DOCK10: variants seen among roughly 807,000 people sequenced by gnomAD.
DOCK10 encodes dedicator of cytokinesis 10, also known as dedicator of cytokinesis protein 10.
DOCK10 carries 145 observed loss-of-function variants against 280.1 expected under a neutral mutation model. The observed-to-expected ratio is 0.52, with a 90% confidence interval of 0.45 to 0.59. The LOEUF (loss-of-function observed/expected upper bound fraction) is 0.59, where lower values mean the gene tolerates loss of function less well. DOCK10 is among the 20% of genes least tolerant of loss of function. DOCK10 has a pLI of 0.00. For synonymous variants in DOCK10, 915 were observed against 942.2 expected, an observed-to-expected ratio of 0.97 and a Z score of 0.53; for missense variants, 2,368 against 2,651.7, an observed-to-expected ratio of 0.89 and a Z score of 2.35.
intron 1 of DOCK10, among the ~76,000 whole-genome samples, chr2:224,932,384 A>G (rs1702437905): frequency 1.3e-5 from 2 of 152,196 alleles, no homozygotes; most frequent in Admixed American, 1.3e-4. Context: ...AATAAAATAG[A>G]GGGAGAAATG....
At chr2:224,784,672 T>C in intron 50 of DOCK10, 1 of 1,270,582 alleles carries the variant, frequency 7.9e-7, no homozygotes, top group Non-Finnish European at 1.0e-6. Context: ...AGTAAAACCA[T>C]ACAGAGGGAA....
chr2:224,928,598 T>A (rs137864588), intron 2 of DOCK10, among the ~76,000 whole-genome samples: 111 of 152,362 alleles, frequency 7.3e-4, no homozygotes, highest in African/African-American at 2.4e-3. Context: ...TCTCCACTAT[T>A]ATTCAAAAAT....
At position 224,773,299 on chromosome 2, in the gene DOCK10, TG is replaced by T; in HGVS notation, c.6061del (p.Gln2021AsnfsTer6). ...YVKKRIQVISQSSTELNPIEV... is the reference protein window; with the variant it reads ...YVKKRIQVISXSSTELNPIEV... ...AATTGGATTCAGTTCTGTGCTCGAT[TG>T]GCTAATTACTTGTATTCTCTTCTTC... On this transcript the variant is annotated frameshift_variant, in exon 53 of 56. Coordinates refer to ENST00000258390, the MANE Select transcript of DOCK10 (RefSeq NM_014689.3). LOFTEE classifies it high-confidence loss of function. 1 of 1,613,814 alleles carries T rather than the reference TG, an allele frequency of 6.2e-7. No individual in the cohort carries two copies. Among genetic ancestry groups the T allele is most frequent in the Non-Finnish European group, 8.5e-7 (1 of 1,179,844 alleles).
chr2:225,019,389 G>A (rs1413139113), intron 1 of DOCK10, among the ~76,000 whole-genome samples: 1 of 151,010 alleles, frequency 6.6e-6, no homozygotes, highest in East Asian at 1.9e-4. Flanking sequence ...CTAAAAAGTA[G>A]ACAACTGTGA....
chr2:224,938,299 A>G (rs1702811534), intron 1 of DOCK10, among the ~76,000 whole-genome samples: 1 of 152,160 alleles, frequency 6.6e-6, no homozygotes, highest in African/African-American at 2.4e-5. Context: ...TTCAATATTC[A>G]TAACAGAATT....
At chr2:224,898,195 G>T (rs1369501566) in intron 3 of DOCK10, among the ~76,000 whole-genome samples, 1 of 152,160 alleles carries the variant, frequency 6.6e-6, no homozygotes, top group East Asian at 1.9e-4. Flanking sequence ...CAGGCAAGAG[G>T]CTCGAGATGC....
intron 1 of DOCK10, among the ~76,000 whole-genome samples, chr2:225,035,946 CT>C (rs1426970479): frequency 1.3e-5 from 2 of 151,916 alleles, no homozygotes; most frequent in African/African-American, 4.8e-5. Flanking sequence ...GAATCTACCC[CT>C]AATTACCTCC....
At chr2:225,039,722 A>G (rs1224750632) in intron 1 of DOCK10, among the ~76,000 whole-genome samples, 4 of 151,446 alleles carry the variant, frequency 2.6e-5, no homozygotes, top group African/African-American at 9.7e-5. Context: ...CTGTATACAC[A>G]CCCCATTCTC....
At chr2:225,010,108 T>C (rs281519) in intron 1 of DOCK10, among the ~76,000 whole-genome samples, 63,209 of 151,968 alleles carry the variant, frequency 0.42, 15,359 homozygotes, top group Middle Eastern at 0.56. Flanking sequence ...GTTCTGAGGG[T>C]GTGTGGGGCC....
chr2:224,896,455 TC>T, intron 3 of DOCK10, 78 bp from the exon 4 acceptor site: 1 of 881,876 alleles, frequency 1.1e-6, no homozygotes, highest in Non-Finnish European at 1.7e-6. Context: ...TTGCCTGTAA[TC>T]CCAGCACTTT....
At chr2:225,035,227 C>T (rs1690187950) in intron 1 of DOCK10, among the ~76,000 whole-genome samples, 1 of 152,024 alleles carries the variant, frequency 6.6e-6, no homozygotes, top group East Asian at 1.9e-4. Flanking sequence ...CATAATGGAA[C>T]TCCAACATGG....
In DOCK10 at chr2:225,035,549, T is replaced by TA. The variant is rs1171697018; in HGVS notation, c.123+6702dup. On this transcript the variant is annotated intron_variant, in intron 1 of 55. Transcript: ENST00000258390. ...TATATGATATGATATATATTATATATATATATATATATATATATATATATA... is the reference window on the plus strand; with the variant it reads ...TATATGATATGATATATATTATATATAATATATATATATATATATATATATA... Among the ~76,000 whole-genome samples the TA allele has an allele frequency of 1.1e-4, 2 of 18,456 alleles. 1 individual carries two copies. The highest frequency in any genetic ancestry group is 4.5e-4 in the African/African-American group (2 of 4,402). 12.1% of individuals were successfully genotyped at this position (18,456 alleles called of 152,430 possible).
chr2:224,833,978 G>A (rs561544768), intron 26 of DOCK10, among the ~76,000 whole-genome samples, 172 bp downstream of exon 26: 5 of 152,164 alleles, frequency 3.3e-5, no homozygotes, highest in South Asian at 2.1e-4. Context: ...ATGTTGTCTC[G>A]ATATAGATCT....
At chr2:224,791,305 C>T (rs1010586451) in intron 47 of DOCK10, among the ~76,000 whole-genome samples, 2 of 152,070 alleles carry the variant, frequency 1.3e-5, no homozygotes, top group Admixed American at 1.3e-4. Flanking sequence ...ATATAAATAT[C>T]AGGCTACATA....
Position 224,838,270 on chromosome 2 carries a change from C to T in DOCK10, c.2781-439G>A, listed in dbSNP as rs78384382. ...GAGGGCTTGCCTTCCAACCTATAGG[C>T]ACTATATATGCTTTTGGAAAAAGTA... On this transcript the variant is annotated intron_variant, in intron 24 of 55. Transcript: ENST00000258390. Among the ~76,000 whole-genome samples the T allele has an allele frequency of 9.0e-3, 1,371 of 152,302 alleles. 12 individuals are homozygous for T. Among genetic ancestry groups the T allele is most frequent in the Non-Finnish European group, 0.015 (991 of 68,020 alleles).
intron 1 of DOCK10, among the ~76,000 whole-genome samples, chr2:224,937,598 G>C (rs751737598): frequency 6.6e-6 from 1 of 152,012 alleles, no homozygotes. Flanking sequence ...AATAAAAAAA[G>C]GACAGCTTCT....
At position 224,840,042 on chromosome 2, in the gene DOCK10, T is replaced by C; in HGVS notation, c.2692A>G (p.Ile898Val). The stretch of plus-strand genomic sequence containing the variant: ...AAAATTATAGGCAGAAAACTCATGA[T>C]TGCATGAATCTTTTCCACATTCAAT... ...NLLNVEKIHAIMSFLPIILNQ... is the reference protein window; with the variant it reads ...NLLNVEKIHAVMSFLPIILNQ... Residue 898 changes from isoleucine (I) to valine (V), a missense_variant, in exon 24 of 56, where the codon ATC becomes GTC. By Grantham distance (29) the Ile-to-Val change is conservative (BLOSUM62 3). This residue lies in a region of DOCK10 where 1,209 missense variants were observed against 1,250.9 expected (regional missense o/e 0.97). Coordinates refer to ENST00000258390, the MANE Select transcript of DOCK10 (RefSeq NM_014689.3). 6.4e-7 allele frequency: 1 copy of C among 1,555,992 alleles called. No homozygotes were observed. Among genetic ancestry groups the C allele is most frequent in the Non-Finnish European group, 8.7e-7 (1 of 1,145,614 alleles).
rs1478096834 is a variant in DOCK10 at position 224,808,005 on chromosome 2, G to T, written c.3491C>A (p.Ala1164Asp). 1 of 1,612,646 alleles carries T rather than the reference G, an allele frequency of 6.2e-7. No homozygotes were observed. Among genetic ancestry groups the T allele is most frequent in the Admixed American group, 1.7e-5 (1 of 59,810 alleles). Reference protein sequence around the residue: ...IGILLREVGFALQEDQDVRHL... With the variant: ...IGILLREVGFDLQEDQDVRHL... The stretch of plus-strand genomic sequence containing the variant: ...TCTGACATCTTGGTCTTCCTGCAGG[G>T]CAAAGCCAACTTCTCGGAGCAGAAT... Residue 1164 changes from alanine to aspartate, a missense_variant, in exon 32 of 56, where the codon GCC (alanine) becomes GAC (aspartate). Physicochemically the swap from Ala to Asp is moderately radical, Grantham distance 126. Transcript: ENST00000258390.
At chr2:224,818,777 C>T (rs1574876033) in intron 29 of DOCK10, among the ~76,000 whole-genome samples, 4 of 152,308 alleles carry the variant, frequency 2.6e-5, no homozygotes, top group Admixed American at 2.6e-4. Flanking sequence ...CCAATCAATT[C>T]CCTTTTGCTC....
Sources: allele counts gnomAD v4.1 joint callset (sites outside exome capture counted in the v4.1 genomes callset), GRCh38; gene constraint gnomAD v4.1.1; regional missense constraint gnomAD v4.1.1; transcripts MANE v1.5; gene names NCBI Gene and HGNC (gene_info 2026-07-23, HGNC 2026-07-21).